Variants in CHSY3 observed in about 807,000 individuals in gnomAD.
The protein encoded by CHSY3 is N-acetylgalactosaminyl-proteoglycan 3-beta-glucuronosyltransferase 3.
Under a neutral mutation model 67.2 loss-of-function variants are expected in CHSY3, and 35 were observed. The ratio of observed to expected loss-of-function variants is 0.52; its 90% CI spans 0.40 to 0.69. CHSY3 has a LOEUF of 0.69. Ranked by LOEUF, CHSY3 falls within the 30% of genes least tolerant of loss-of-function variation. The pLI is 0.00. For synonymous variants in CHSY3, 474 were observed against 434.7 expected (o/e 1.09, Z -1.12); for missense variants, 1,069 against 1,138.5 (o/e 0.94, Z 0.88).
chr5:129,917,599 A>G (rs32224), intron 2 of CHSY3, among the ~76,000 whole-genome samples: 57,988 of 152,022 alleles, frequency 0.38, 11,107 homozygotes, highest in South Asian at 0.46. Flanking sequence ...CACACAATAA[A>G]CTCTGCATAA....
chr5:130,100,245 G>C (rs967902623), intron 2 of CHSY3, among the ~76,000 whole-genome samples: 1 of 151,986 alleles, frequency 6.6e-6, no homozygotes, highest in East Asian at 1.9e-4. Flanking sequence ...GCAGTCGCGC[G>C]ATCTCCGCTC....
In CHSY3 at chr5:130,080,188, A is replaced by T. The variant is rs192953303; in HGVS notation, c.1087-104041A>T. On this transcript the variant is annotated intron_variant, in intron 2 of 2. Coordinates refer to ENST00000305031, the MANE Select transcript of CHSY3 (RefSeq NM_175856.5). Reference sequence around the variant, plus strand: ...AGGTAATTCAATCAATCTATACTATACTATATAATATAAACTACTTCAAGG... The same window carrying T: ...AGGTAATTCAATCAATCTATACTATTCTATATAATATAAACTACTTCAAGG... 4.7e-4 allele frequency among the ~76,000 whole-genome samples: 71 copies of T among 151,998 alleles called. 1 individual carries two copies. Among genetic ancestry groups the T allele is most frequent in the Non-Finnish European group, 1.5e-5 (1 of 67,996 alleles).
chr5:129,965,048 C>T (rs781536001), intron 2 of CHSY3, among the ~76,000 whole-genome samples: 4 of 151,918 alleles, frequency 2.6e-5, no homozygotes, highest in Non-Finnish European at 5.9e-5. Context: ...TTTCAAGTGC[C>T]TCATGACATC....
intron 2 of CHSY3, among the ~76,000 whole-genome samples, chr5:129,927,661 A>G (rs937380438): frequency 1.3e-5 from 2 of 152,080 alleles, no homozygotes; most frequent in African/African-American, 4.8e-5. Context: ...ATAGTGGCAC[A>G]TATCAGTTTC....
At chr5:130,133,680 G>A (rs1418869418) in intron 2 of CHSY3, among the ~76,000 whole-genome samples, 2 of 147,936 alleles carry the variant, frequency 1.4e-5, no homozygotes, top group African/African-American at 2.5e-5. Context: ...GCTGAGGCAC[G>A]AGAATTGCTT....
intron 2 of CHSY3, among the ~76,000 whole-genome samples, chr5:129,910,961 C>T (rs772651231): frequency 6.7e-6 from 1 of 148,706 alleles, no homozygotes; most frequent in Non-Finnish European, 1.5e-5. Context: ...TTTATCTATG[C>T]CTTTCACAAA....
chr5:130,093,646 G>A (rs990826194), intron 2 of CHSY3, among the ~76,000 whole-genome samples: 3 of 152,066 alleles, frequency 2.0e-5, no homozygotes, highest in Non-Finnish European at 4.4e-5. Context: ...GAATGATGTA[G>A]TCGGTTGCAC....
intron 2 of CHSY3, among the ~76,000 whole-genome samples, chr5:130,136,190 T>C (rs1768655558): frequency 6.6e-6 from 1 of 152,220 alleles, no homozygotes; most frequent in African/African-American, 2.4e-5. Flanking sequence ...TTGATTTTAA[T>C]TTTAATACGG....
chr5:130,109,190 A>G (rs1024027115), intron 2 of CHSY3, among the ~76,000 whole-genome samples: 2 of 151,816 alleles, frequency 1.3e-5, no homozygotes, highest in Admixed American at 1.3e-4. Flanking sequence ...TCTTATGCAA[A>G]TAGGGACTCA....
intron 2 of CHSY3, among the ~76,000 whole-genome samples, chr5:130,156,718 T>C (rs2149726220): frequency 6.6e-6 from 1 of 152,312 alleles, no homozygotes; most frequent in Non-Finnish European, 1.5e-5. Flanking sequence ...GGGGTTTAAT[T>C]GATTAATACA....
chr5:130,162,563 C>CGGGA (rs1169367175), intron 2 of CHSY3, among the ~76,000 whole-genome samples: 1 of 152,090 alleles, frequency 6.6e-6, no homozygotes, highest in African/African-American at 2.4e-5. Context: ...GAAACGGGGT[C>CGGGA]TTGTTCTGTC....
At chr5:130,007,548 T>C (rs180892317) in intron 2 of CHSY3, among the ~76,000 whole-genome samples, 116 of 152,240 alleles carry the variant, frequency 7.6e-4, no homozygotes, top group African/African-American at 2.6e-3. Flanking sequence ...ATAGGCATGG[T>C]TTGTGGCCCA....
intron 2 of CHSY3, among the ~76,000 whole-genome samples, chr5:130,165,507 C>T (rs1304210359): frequency 2.6e-5 from 4 of 152,080 alleles, no homozygotes; most frequent in Middle Eastern, 3.4e-3. Flanking sequence ...AATCCATTAT[C>T]GTGTCCTTTA....
At chr5:130,033,133 G>C (rs1473605839) in intron 2 of CHSY3, among the ~76,000 whole-genome samples, 2 of 152,158 alleles carry the variant, frequency 1.3e-5, no homozygotes, top group Non-Finnish European at 2.9e-5. Context: ...GGAGAATCTG[G>C]TCAGGATATC....
chr5:130,154,239 A>G (rs769850079), intron 2 of CHSY3, among the ~76,000 whole-genome samples: 1 of 152,156 alleles, frequency 6.6e-6, no homozygotes, highest in Non-Finnish European at 1.5e-5. Flanking sequence ...AAAAATCACA[A>G]GATATGCTAA....
chr5:130,125,270 A>C (rs534267734), intron 2 of CHSY3, among the ~76,000 whole-genome samples: 88 of 152,182 alleles, frequency 5.8e-4, no homozygotes, highest in African/African-American at 2.0e-3. Flanking sequence ...TAAACAAATC[A>C]GCTGGGCATG....
intron 2 of CHSY3, among the ~76,000 whole-genome samples, chr5:130,104,121 G>A (rs1318409044): frequency 6.6e-6 from 1 of 151,640 alleles, no homozygotes; most frequent in Non-Finnish European, 1.5e-5. Context: ...TTCTTGCTTT[G>A]GTAGGCTTAC....
chr5:129,955,333 G>T (rs1432884768), intron 2 of CHSY3, among the ~76,000 whole-genome samples: 1 of 152,050 alleles, frequency 6.6e-6, no homozygotes, highest in Admixed American at 6.6e-5. Context: ...TTGTTCCAGA[G>T]CCAGCTGCAG....
At chr5:129,945,769 A>G in intron 2 of CHSY3, among the ~76,000 whole-genome samples, 1 of 152,170 alleles carries the variant, frequency 6.6e-6, no homozygotes, top group South Asian at 2.1e-4. Context: ...GGGCATATAA[A>G]AATGTTTGTG....
Sources: allele counts gnomAD v4.1 joint callset (sites outside exome capture counted in the v4.1 genomes callset), GRCh38; gene constraint gnomAD v4.1.1; transcripts MANE v1.5; gene names NCBI Gene and HGNC (gene_info 2026-07-23, HGNC 2026-07-21).